TMPRSS12: variants seen among roughly 807,000 people sequenced by gnomAD.
TMPRSS12 encodes transmembrane protease serine 12.
A neutral mutation model predicts 26.0 loss-of-function variants in TMPRSS12; 25 were observed. The ratio of observed to expected loss-of-function variants is 0.96; its 90% CI spans 0.70 to 1.34. The LOEUF (loss-of-function observed/expected upper bound fraction) is 1.34. Among genes scored for constraint, TMPRSS12 ranks in the 40% most tolerant of loss-of-function variants. The pLI is 0.00. For missense variants in TMPRSS12, 441 were observed against 440.1 expected, an observed-to-expected ratio of 1.00 and a Z score of -0.02; for synonymous variants, 150 against 161.7, an observed-to-expected ratio of 0.93 and a Z score of 0.55.
Position 50,872,679 on chromosome 12 carries a change from C to T in TMPRSS12, c.653-12567C>T, listed in dbSNP as rs1224934016. ...ATGACGTATATGTACATATATATGA[C>T]GTATATGCACATATATATGACGTAT... On this transcript the variant is annotated intron_variant, in intron 3 of 4. Coordinates refer to ENST00000398458, the MANE Select transcript of TMPRSS12 (RefSeq NM_182559.3). Among the ~76,000 whole-genome samples, 3 of 61,414 alleles carry T rather than the reference C, an allele frequency of 4.9e-5. 1 individual carries two copies. The highest frequency in any genetic ancestry group is 1.7e-4 in the African/African-American group (3 of 17,938). The allele number at this position is 61,414 out of a possible 152,430, so 40.3% of individuals were successfully genotyped here.
intron 4 of TMPRSS12, 157 bp from the exon 5 acceptor site, chr12:50,887,105 G>A (rs1411762197): frequency 3.8e-6 from 3 of 781,562 alleles, no homozygotes; most frequent in Non-Finnish European, 3.8e-6. Flanking sequence ...TGAGTTGGAA[G>A]TTTAAGCTCA....
intron 2 of TMPRSS12, among the ~76,000 whole-genome samples, chr12:50,858,530 C>A (rs1937903099): frequency 6.6e-6 from 1 of 152,074 alleles, no homozygotes; most frequent in Non-Finnish European, 1.5e-5. Flanking sequence ...ATTCTTTTGT[C>A]CATTGGTACA....
At chr12:50,870,201 C>T (rs779638209) in intron 3 of TMPRSS12, among the ~76,000 whole-genome samples, 3 of 151,952 alleles carry the variant, frequency 2.0e-5, no homozygotes, top group Non-Finnish European at 4.4e-5. Context: ...CTCAAAACAA[C>T]AACAACAACA....
chr12:50,857,808 CGTTGTTGTCGTTGTTGTT>C (rs1426155791), intron 2 of TMPRSS12, among the ~76,000 whole-genome samples: 3 of 147,432 alleles, frequency 2.0e-5, no homozygotes, highest in African/African-American at 5.2e-5. Flanking sequence ...TTGTTGTTGT[CGTTGTTGTCGTTGTTGTT>C]GTTGTTGTTG....
intron 2 of TMPRSS12, among the ~76,000 whole-genome samples, chr12:50,849,762 ATAACT>A (rs1307388088): frequency 2.0e-5 from 3 of 152,132 alleles, no homozygotes; most frequent in Admixed American, 6.5e-5. Flanking sequence ...TTATTAAGAT[ATAACT>A]TAACATGTAG....
chr12:50,885,389 G>A lies in TMPRSS12; in HGVS notation c.795+1G>A. 1.2e-6 allele frequency: 2 copies of A among 1,613,766 alleles called. No homozygotes were observed. The highest frequency in any genetic ancestry group is 1.7e-6 in the Non-Finnish European group (2 of 1,179,838). Reference sequence around the variant, plus strand: ...AGATGGAGCTTTTGATACTTGCAGGGTAAGACCAAGTAATTTTCCTTTAAA... The same window carrying A: ...AGATGGAGCTTTTGATACTTGCAGGATAAGACCAAGTAATTTTCCTTTAAA... On this transcript the variant is annotated splice_donor_variant, in intron 4 of 4. Transcript: ENST00000398458. LOFTEE classifies it high-confidence loss of function.
At chr12:50,853,581 C>CAAAAAA (rs34657217) in intron 2 of TMPRSS12, among the ~76,000 whole-genome samples, 128 of 101,924 alleles carry the variant, frequency 1.3e-3, no homozygotes, top group Middle Eastern at 6.4e-3. Context: ...GCTAGACTAA[C>CAAAAAA]AAAAAAAAAA....
Position 50,843,997 on chromosome 12 carries a change from A to C in TMPRSS12, c.343A>C (p.Arg115=), listed in dbSNP as rs923284809. Reference sequence around the variant, plus strand: ...ATGTGGGGGAACCCTAGTGAGAGAGAGGTGGGTCCTCACAGCTGCCCACTG... The same window carrying C: ...ATGTGGGGGAACCCTAGTGAGAGAGCGGTGGGTCCTCACAGCTGCCCACTG... ...HVCGGTLVRE[R]WVLTAAHCTK... Residue 115 remains arginine, a synonymous_variant, in exon 2 of 5, where the codon AGG becomes CGG. Transcript: ENST00000398458. The C allele has an allele frequency of 1.0e-5, 16 of 1,603,430 alleles. No homozygotes were observed. Among genetic ancestry groups the C allele is most frequent in the Non-Finnish European group, 1.1e-5 (13 of 1,175,368 alleles).
At chr12:50,844,860 C>T (rs1344425568) in intron 2 of TMPRSS12, among the ~76,000 whole-genome samples, 3 of 152,042 alleles carry the variant, frequency 2.0e-5, no homozygotes, top group Admixed American at 6.5e-5. Context: ...ATATGTTTAA[C>T]GTGTCATGAA....
intron 3 of TMPRSS12, 71 bp downstream of exon 3, chr12:50,859,124 A>G: frequency 7.3e-7 from 1 of 1,360,800 alleles, no homozygotes; most frequent in South Asian, 1.6e-5. Flanking sequence ...AACCTTTTAT[A>G]TACATTCATG....
chr12:50,878,901 T>C (rs1166830887), intron 3 of TMPRSS12, among the ~76,000 whole-genome samples: 1 of 152,226 alleles, frequency 6.6e-6, no homozygotes, highest in East Asian at 1.9e-4. Flanking sequence ...GGCAGAGCTC[T>C]CATCAGCGAG....
chr12:50,859,513 G>A (rs1466599919), intron 3 of TMPRSS12, among the ~76,000 whole-genome samples: 14 of 152,016 alleles, frequency 9.2e-5, no homozygotes, highest in Admixed American at 7.9e-4. Context: ...ACCGCACCTG[G>A]CATTCAGCTA....
chr12:50,872,685 TGC>T (rs2139732292), intron 3 of TMPRSS12, among the ~76,000 whole-genome samples: 4 of 47,426 alleles, frequency 8.4e-5, no homozygotes, highest in Admixed American at 5.8e-4. Flanking sequence ...ATGACGTATA[TGC>T]ACATATATAT....
chr12:50,857,169 C>T (rs938747776), intron 2 of TMPRSS12, among the ~76,000 whole-genome samples: 1 of 151,990 alleles, frequency 6.6e-6, no homozygotes, highest in Non-Finnish European at 1.5e-5. Flanking sequence ...GTGAAATAGC[C>T]TTTTACATTA....
chr12:50,847,219 T>G (rs138851241), intron 2 of TMPRSS12, among the ~76,000 whole-genome samples: 1 of 151,896 alleles, frequency 6.6e-6, no homozygotes, highest in Non-Finnish European at 1.5e-5. Context: ...CCACCATGCC[T>G]GGCTAATTTT....
At chr12:50,847,057 C>CTCTT (rs1555205380) in intron 2 of TMPRSS12, among the ~76,000 whole-genome samples, 32 of 109,908 alleles carry the variant, frequency 2.9e-4, no homozygotes, top group African/African-American at 8.5e-4. Flanking sequence ...AGTCTAAAAA[C>CTCTT]TTTTTTTTTT....
intron 3 of TMPRSS12, among the ~76,000 whole-genome samples, chr12:50,863,927 G>A (rs1294911254): frequency 2.0e-5 from 3 of 152,220 alleles, no homozygotes; most frequent in East Asian, 1.9e-4. Flanking sequence ...TGCATAAAAT[G>A]TACACTTGAC....
chr12:50,880,662 T>C (rs59800583), intron 3 of TMPRSS12, among the ~76,000 whole-genome samples: 6,621 of 151,356 alleles, frequency 0.044, 497 homozygotes, highest in African/African-American at 0.15. Flanking sequence ...CAAAGACAAA[T>C]GAAAACATGT....
chr12:50,843,129 G>A lies in TMPRSS12; in HGVS notation c.165G>A (p.Arg55=). ...TCCGCAAGAGGCTCCGGCGGCGGAGGGAGGGAGGGGCGCATGCAGAGGGCA... is the reference window on the plus strand; with the variant it reads ...TCCGCAAGAGGCTCCGGCGGCGGAGAGAGGGAGGGGCGCATGCAGAGGGCA... ...EAVRKRLRRR[R]EGGAHAEDCG... Residue 55 remains arginine, a synonymous_variant, in exon 1 of 5, where the codon AGG becomes AGA. Coordinates refer to ENST00000398458, the MANE Select transcript of TMPRSS12 (RefSeq NM_182559.3). 1.3e-6 allele frequency: 2 copies of A among 1,570,862 alleles called. No homozygotes were observed. The highest frequency in any genetic ancestry group is 1.9e-5 in the Admixed American group (1 of 52,838).
Sources: gnomAD v4.1 joint callset for allele counts (sites outside exome capture counted in the v4.1 genomes callset) on GRCh38, gnomAD v4.1.1 for gene constraint, MANE v1.5 for transcripts, NCBI Gene and HGNC (gene_info 2026-07-23, HGNC 2026-07-21) for gene names.